The following SLC24A2 variants were observed in gnomAD, a reference collection of about 807,000 sequenced individuals.
SLC24A2 encodes the protein solute carrier family 24 member 2, also known as sodium/potassium/calcium exchanger 2.
A neutral mutation model predicts 62.0 loss-of-function variants in SLC24A2; 36 were observed. The observed-to-expected ratio is 0.58, with a 90% confidence interval of 0.44 to 0.77. The LOEUF (loss-of-function observed/expected upper bound fraction) is 0.77, where lower values mean the gene tolerates loss of function less well. Among genes scored for constraint, SLC24A2 ranks in the 30% least tolerant of loss-of-function variants. The probability of loss-of-function intolerance (pLI) is 0.00; values close to 1 mark genes in which losing one functional copy is unlikely to be tolerated. For synonymous variants in SLC24A2, 358 were observed against 294.0 expected, an observed-to-expected ratio of 1.22 and a Z score of -2.23; for missense variants, 846 against 817.9, an observed-to-expected ratio of 1.03 and a Z score of -0.42.
At chr9:19,905,623 G>C in the SLC24A2 span, among the ~76,000 whole-genome samples, 1 of 151,908 alleles carries the variant, frequency 6.6e-6, no homozygotes, top group Non-Finnish European at 1.5e-5. Flanking sequence ...ATGTTGGTCA[G>C]GCTGCTCACG....
At chr9:19,890,440 G>T in the SLC24A2 span, among the ~76,000 whole-genome samples, 1 of 152,090 alleles carries the variant, frequency 6.6e-6, no homozygotes, top group Non-Finnish European at 1.5e-5. Flanking sequence ...GCAATTTTCT[G>T]CCCTCATCCT....
the SLC24A2 span, among the ~76,000 whole-genome samples, chr9:20,142,297 A>G: frequency 2.6e-5 from 4 of 152,024 alleles, no homozygotes; most frequent in South Asian, 8.3e-4. Flanking sequence ...TTGACTTTTT[A>G]TTGTACAAAT....
the SLC24A2 span, among the ~76,000 whole-genome samples, chr9:20,203,675 C>A: frequency 6.7e-6 from 1 of 149,762 alleles, no homozygotes; most frequent in African/African-American, 2.5e-5. Flanking sequence ...GAGAGCCTGT[C>A]TCTTAAAAGA....
At chr9:19,670,079 TC>T (rs1819372393) in intron 2 of SLC24A2, among the ~76,000 whole-genome samples, 1 of 152,174 alleles carries the variant, frequency 6.6e-6, no homozygotes, top group African/African-American at 2.4e-5. Flanking sequence ...TCCTCAGCAC[TC>T]TGTGAAATAT....
chr9:20,276,808 T>A, the SLC24A2 span, among the ~76,000 whole-genome samples: 1 of 152,352 alleles, frequency 6.6e-6, no homozygotes, highest in East Asian at 1.9e-4. Context: ...CAACACCATG[T>A]GTAAGCCACC....
the SLC24A2 span, among the ~76,000 whole-genome samples, chr9:20,093,864 C>A: frequency 1.3e-5 from 2 of 152,066 alleles, no homozygotes; most frequent in East Asian, 3.9e-4. Context: ...GTGATGGATA[C>A]CCGATTTACT....
At chr9:20,007,616 G>C in the SLC24A2 span, among the ~76,000 whole-genome samples, 9 of 151,976 alleles carry the variant, frequency 5.9e-5, no homozygotes, top group African/African-American at 1.2e-4. Context: ...TGAATGCAAT[G>C]GGGATTTCAA....
chr9:19,730,132 G>T (rs1207552533), intron 2 of SLC24A2, among the ~76,000 whole-genome samples: 1 of 152,138 alleles, frequency 6.6e-6, no homozygotes, highest in Non-Finnish European at 1.5e-5. Flanking sequence ...ACTTCCTTCA[G>T]GCCTCTGAAC....
At chr9:20,238,767 A>C in the SLC24A2 span, among the ~76,000 whole-genome samples, 1 of 152,224 alleles carries the variant, frequency 6.6e-6, no homozygotes, top group African/African-American at 2.4e-5. Flanking sequence ...ATGTTGAAGT[A>C]TTAACCCCCA....
At chr9:19,641,145 C>G (rs926868639) in intron 2 of SLC24A2, among the ~76,000 whole-genome samples, 4 of 152,214 alleles carry the variant, frequency 2.6e-5, no homozygotes, top group African/African-American at 9.7e-5. Context: ...GTGGCCACTT[C>G]CCTGTCTGCA....
At chr9:20,287,905 A>G in the SLC24A2 span, among the ~76,000 whole-genome samples, 7 of 152,264 alleles carry the variant, frequency 4.6e-5, no homozygotes, top group East Asian at 1.9e-4. Flanking sequence ...GCACATATGA[A>G]GAAATAAATG....
the SLC24A2 span, among the ~76,000 whole-genome samples, chr9:20,042,714 G>A: frequency 6.6e-6 from 1 of 152,200 alleles, no homozygotes; most frequent in South Asian, 2.1e-4. Flanking sequence ...TTGAAGGTTT[G>A]TGGCAACAAT....
At chr9:19,683,875 C>A (rs760140912) in intron 2 of SLC24A2, among the ~76,000 whole-genome samples, 35 of 152,048 alleles carry the variant, frequency 2.3e-4, no homozygotes, top group Middle Eastern at 3.2e-3. Flanking sequence ...GGCTCCACAC[C>A]TCTTTTTGTT....
chr9:20,009,409 G>T, the SLC24A2 span, among the ~76,000 whole-genome samples: 1 of 151,038 alleles, frequency 6.6e-6, no homozygotes, highest in African/African-American at 2.4e-5. Flanking sequence ...AAAAAAAGCG[G>T]GCGGGTGATA....
chr9:20,206,986 C>T, the SLC24A2 span, among the ~76,000 whole-genome samples: 2 of 151,982 alleles, frequency 1.3e-5, no homozygotes, highest in Non-Finnish European at 2.9e-5. Context: ...ATTATACTTA[C>T]TCCATATTTA....
the SLC24A2 span, among the ~76,000 whole-genome samples, chr9:20,062,135 G>A: frequency 1.3e-5 from 2 of 152,108 alleles, no homozygotes; most frequent in African/African-American, 4.8e-5. Flanking sequence ...GAGCTGAAGT[G>A]GGAGGATCAC....
At chr9:19,525,391 CTTTTT>C (rs572919824) in intron 9 of SLC24A2, among the ~76,000 whole-genome samples, 3 of 76,372 alleles carry the variant, frequency 3.9e-5, no homozygotes, top group Admixed American at 1.8e-4. Flanking sequence ...TATTTCTTTA[CTTTTT>C]TTTTTTTTTT....
chr9:20,118,806 T>C, the SLC24A2 span, among the ~76,000 whole-genome samples: 4 of 152,126 alleles, frequency 2.6e-5, no homozygotes, highest in Non-Finnish European at 5.9e-5. Flanking sequence ...TATAGGGTAG[T>C]CTTGCCTCCT....
chr9:19,876,567 C>A, the SLC24A2 span, among the ~76,000 whole-genome samples: 1 of 152,060 alleles, frequency 6.6e-6, no homozygotes, highest in Non-Finnish European at 1.5e-5. Flanking sequence ...CATAGAACTG[C>A]TTTTACTGAA....
Sources: gnomAD v4.1 joint callset for allele counts (sites outside exome capture counted in the v4.1 genomes callset) on GRCh38, gnomAD v4.1.1 for gene constraint, MANE v1.5 for transcripts, NCBI Gene and HGNC (gene_info 2026-07-23, HGNC 2026-07-21) for gene names.